RYR1: variants seen among roughly 807,000 people sequenced by gnomAD.
RYR1 encodes the protein central core disease of muscle.
In RYR1, 342 loss-of-function variants were observed where a neutral mutation model predicts 583.5. The observed-to-expected ratio is 0.59, with a 90% CI of 0.54 to 0.64. The LOEUF (loss-of-function observed/expected upper bound fraction) is 0.64. Ranked by LOEUF, RYR1 falls within the 30% of genes least tolerant of loss-of-function variation. The pLI, the probability that RYR1 is intolerant of heterozygous loss-of-function variation, is 0.00. For missense variants in RYR1, 6,032 were observed against 6,917.2 expected, an observed-to-expected ratio of 0.87 and a Z score of 4.54; for synonymous variants, 2,791 against 2,822.5, an observed-to-expected ratio of 0.99 and a Z score of 0.35.
chr19:38,576,446 C>T (rs1973959617), intron 97 of RYR1, among the ~76,000 whole-genome samples: 1 of 151,802 alleles, frequency 6.6e-6, no homozygotes, highest in African/African-American at 2.4e-5. Flanking sequence ...GAGACCTCAT[C>T]TCAAAAAAAA....
At chr19:38,516,726 T>C (rs1970988579) in intron 65 of RYR1, among the ~76,000 whole-genome samples, 1 of 152,176 alleles carries the variant, frequency 6.6e-6, no homozygotes, top group Non-Finnish European at 1.5e-5. Context: ...CATTCATTCA[T>C]TCAGCAAATA....
intron 89 of RYR1, among the ~76,000 whole-genome samples, chr19:38,553,993 C>T (rs973964839): frequency 6.6e-6 from 1 of 152,106 alleles, no homozygotes; most frequent in Non-Finnish European, 1.5e-5. Flanking sequence ...GCTTTATTCC[C>T]AATGTTTTGC....
rs749052229 is a variant in RYR1 at position 38,505,416 on chromosome 19, C to G, written c.8400+18C>G. 3.4e-5 allele frequency: 53 copies of G among 1,564,422 alleles called. No individual in the cohort carries two copies. The highest frequency in any genetic ancestry group is 4.6e-5 in the Non-Finnish European group (53 of 1,141,842). On this transcript the variant is annotated intron_variant, in intron 53 of 105. Coordinates refer to ENST00000359596, the MANE Select transcript of RYR1 (RefSeq NM_000540.3). ...CAGAGAAGGTGACCAGGCCTTGGGG[C>G]CCAGCATTGAGGGTCAAAATGAAAC...
chr19:38,511,711 G>A (rs1470229505), intron 61 of RYR1, 101 bp downstream of exon 61: 2 of 1,401,134 alleles, frequency 1.4e-6, no homozygotes, highest in Non-Finnish European at 1.0e-6. Flanking sequence ...AACCTTTGTT[G>A]TTTTCTTCCC....
intron 94 of RYR1, 121 bp downstream of exon 94, chr19:38,570,814 C>A: frequency 1.1e-6 from 1 of 875,566 alleles, no homozygotes; most frequent in South Asian, 1.3e-5. Flanking sequence ...GGCTTTGGGT[C>A]GTTAGGAGGG....
intron 47 of RYR1, 99 bp from the exon 48 acceptor site, chr19:38,502,408 A>C (rs775028574): frequency 3.7e-5 from 43 of 1,170,598 alleles, no homozygotes; most frequent in Non-Finnish European, 4.8e-5. Flanking sequence ...TGGGGGAGTC[A>C]TCAGAAGCTT....
chr19:38,438,616 CTT>C (rs71165544), intron 1 of RYR1, among the ~76,000 whole-genome samples: 2 of 93,960 alleles, frequency 2.1e-5, no homozygotes, highest in Non-Finnish European at 1.9e-5. Flanking sequence ...CCAGGCTAGT[CTT>C]TTTTTTTTTT....
Position 38,584,007 on chromosome 19 carries a change from G to C in RYR1, c.14647-936G>C, listed in dbSNP as rs563634178. ...CTCTTTCCTCACTGATGGCGAGGCAGCATGTGGCCTTCTCTGCTGGGAACA... is the reference window on the plus strand; with the variant it reads ...CTCTTTCCTCACTGATGGCGAGGCACCATGTGGCCTTCTCTGCTGGGAACA... On this transcript the variant is annotated intron_variant, in intron 101 of 105. Coordinates refer to ENST00000359596, the MANE Select transcript of RYR1 (RefSeq NM_000540.3). 1.6e-4 allele frequency among the ~76,000 whole-genome samples: 25 copies of C among 152,074 alleles called. No homozygotes were observed. The East Asian group carries it at 3.9e-3, about 23-fold the overall frequency.
intron 73 of RYR1, 95 bp from the exon 74 acceptor site, chr19:38,528,211 A>C (rs766658920): frequency 1.1e-5 from 11 of 1,026,728 alleles, no homozygotes; most frequent in South Asian, 9.2e-5. Flanking sequence ...CTTAACCTGA[A>C]TATGGACTTC....
At chr19:38,556,311 A>C (rs2145815438) in intron 89 of RYR1, among the ~76,000 whole-genome samples, 1 of 151,838 alleles carries the variant, frequency 6.6e-6, no homozygotes, top group East Asian at 2.0e-4. Flanking sequence ...GCAAAACCCT[A>C]TCTCTATAAA....
At chr19:38,466,558 A>G (rs1235145921) in intron 24 of RYR1, among the ~76,000 whole-genome samples, 160 bp downstream of exon 24, 1 of 148,400 alleles carries the variant, frequency 6.7e-6, no homozygotes, top group African/African-American at 2.5e-5. Context: ...CTGGAGTGCA[A>G]TGGCGCGATC....
In RYR1 at chr19:38,473,753, A is replaced by G; in HGVS notation, c.4142A>G (p.Glu1381Gly). 6.5e-7 allele frequency: 1 copy of G among 1,533,306 alleles called. No individual in the cohort carries two copies. Among genetic ancestry groups the G allele is most frequent in the Non-Finnish European group, 8.8e-7 (1 of 1,138,906 alleles). 95.0% of individuals were successfully genotyped at this position (1,533,306 alleles called of 1,614,324 possible). ...GAGAATGAGAAGGATGCCACCACCG[A>G]GAAGAACAAGAAGAGAGGGTGAGTC... ...RAENEKDATTEKNKKRGFLFK... is the reference protein window; with the variant it reads ...RAENEKDATTGKNKKRGFLFK... Residue 1381 changes from glutamate to glycine, a missense_variant, in exon 28 of 106, where the codon GAG becomes GGG. By Grantham distance (98) the Glu-to-Gly change is moderately conservative (BLOSUM62 -2). This residue lies in a region of RYR1 where 2,627 missense variants were observed against 2,961.3 expected (regional missense o/e 0.89). Coordinates refer to ENST00000359596, the MANE Select transcript of RYR1 (RefSeq NM_000540.3).
chr19:38,573,113 C>T, intron 95 of RYR1, 64 bp from the exon 96 acceptor site: 1 of 1,608,248 alleles, frequency 6.2e-7, no homozygotes. Flanking sequence ...GTCATGGCTT[C>T]TGCTGAGACT....
At chr19:38,477,567 CA>C (rs1968795658) in intron 29 of RYR1, 142 bp from the exon 30 acceptor site, 2 of 934,234 alleles carry the variant, frequency 2.1e-6, no homozygotes, top group Non-Finnish European at 3.4e-6. Flanking sequence ...CAGACATAAC[CA>C]GGGGGTGGGG....
In RYR1 at chr19:38,500,897, C is replaced by T. The variant is rs1025498706; in HGVS notation, c.7521C>T (p.Asp2507=). ...DHKASMVLFL[D]RVYGIENQDF... is the part of the protein sequence containing the mutation. ...AGGCGTCCATGGTGCTCTTCCTGGA[C>T]CGTGTGTATGGCATCGAGAACCAGG... is the stretch of plus-strand genomic sequence containing the variant. The change falls in exon 47 of 106, where the codon GAC becomes GAT. Residue 2507 remains aspartate (D), a synonymous_variant. Transcript: ENST00000359596. This position sits in a 1 kb window ranked among gnomAD's most constrained non-coding sequence, Gnocchi z 5.9. 1.9e-6 allele frequency: 3 copies of T among 1,614,076 alleles called. No homozygotes were observed. The East Asian group carries it at 6.7e-5, about 36-fold the overall frequency.
intron 16 of RYR1, among the ~76,000 whole-genome samples, chr19:38,456,709 C>T (rs1366445278): frequency 6.6e-6 from 1 of 151,954 alleles, no homozygotes; most frequent in Non-Finnish European, 1.5e-5. Context: ...AACCACTTCA[C>T]ACATTTATTC....
intron 29 of RYR1, 69 bp from the exon 30 acceptor site, chr19:38,477,641 T>C: frequency 6.2e-7 from 1 of 1,609,966 alleles, no homozygotes; most frequent in Non-Finnish European, 8.5e-7. Flanking sequence ...GGAAACCAAT[T>C]TCGAGTCCCA....
In RYR1 at chr19:38,519,365, C is replaced by T. The variant is rs369239179; in HGVS notation, c.10170C>T (p.Gly3390=). 92 of 1,609,984 alleles carry T rather than the reference C, an allele frequency of 5.7e-5. No homozygotes were observed. The highest frequency in any genetic ancestry group is 6.9e-5 in the Non-Finnish European group (81 of 1,178,308). The change falls in exon 67 of 106, where the codon GGC becomes GGT. Residue 3390 remains glycine (G), a synonymous_variant. Coordinates refer to ENST00000359596, the MANE Select transcript of RYR1 (RefSeq NM_000540.3). ...RLEAKAEAQE[G]ELLVRDEFSV... ...AGGCCAAGGCGGAGGCCCAGGAGGG[C>T]GAGCTGCTGGTGCGGGACGAGTTCT...
intron 38 of RYR1, among the ~76,000 whole-genome samples, chr19:38,492,887 G>A (rs1456466063): frequency 6.6e-6 from 1 of 152,090 alleles, no homozygotes. Flanking sequence ...CGGCCAACAT[G>A]GTGAAACCCC....
Sources: allele counts gnomAD v4.1 joint callset (sites outside exome capture counted in the v4.1 genomes callset), GRCh38; gene constraint gnomAD v4.1.1; regional missense constraint gnomAD v4.1.1; non-coding constraint Gnocchi (gnomAD v3.1); transcripts MANE v1.5; gene names NCBI Gene and HGNC (gene_info 2026-07-23, HGNC 2026-07-21).